Variants in SLC16A7 observed in about 807,000 individuals in gnomAD.
SLC16A7 encodes the protein solute carrier family 16 member 7.
SLC16A7 carries 33 observed loss-of-function variants against 34.9 expected under a neutral mutation model. The observed-to-expected ratio is 0.94, with a 90% CI of 0.72 to 1.26. The LOEUF (loss-of-function observed/expected upper bound fraction) is 1.26, where lower values mean the gene tolerates loss of function less well. Ranked by LOEUF, SLC16A7 falls within the 50% of genes most tolerant of loss-of-function variation. SLC16A7 has a pLI of 0.00. For missense variants in SLC16A7, 573 were observed against 578.1 expected (o/e 0.99, Z 0.09); for synonymous variants, 201 against 206.6 (o/e 0.97, Z 0.23).
Position 59,781,637 on chromosome 12 carries a change from T to G in SLC16A7, c.*1958T>G, listed in dbSNP as rs1394731870. ...TAGGGAAAATGTGGGACTTTATGGC[T>G]GTTTTTAATTTAGTTTCACCCGATC... is the stretch of plus-strand genomic sequence containing the variant. On this transcript the variant is annotated 3_prime_UTR_variant, in exon 6 of 6. Transcript: ENST00000547379. The G allele has an allele frequency of 6.6e-6, 1 of 152,624 alleles. No homozygotes were observed. The highest frequency in any genetic ancestry group is 2.4e-5 in the African/African-American group (1 of 41,470). The allele number at this position is 152,624 out of a possible 1,614,324, so 9.5% of individuals were successfully genotyped here. A position where few individuals can be genotyped will look rare whatever the true frequency, so the allele number is the denominator to read the frequency against.
intron 1 of SLC16A7, among the ~76,000 whole-genome samples, chr12:59,641,870 A>G (rs1362643553): frequency 6.6e-6 from 1 of 151,968 alleles, no homozygotes; most frequent in East Asian, 1.9e-4. Flanking sequence ...TTAATAAGGC[A>G]GTGTAGAGTT....
chr12:59,597,342 G>T (rs966159277), intron 1 of SLC16A7, among the ~76,000 whole-genome samples: 1 of 151,140 alleles, frequency 6.6e-6, no homozygotes, highest in African/African-American at 2.4e-5. Flanking sequence ...GTATTATTTC[G>T]TGTCCTCCTT....
At chr12:59,597,527 G>C (rs548113498) in intron 1 of SLC16A7, among the ~76,000 whole-genome samples, 70 of 152,286 alleles carry the variant, frequency 4.6e-4, no homozygotes, top group African/African-American at 1.7e-3. Flanking sequence ...ACTTTCCACA[G>C]ACAGGTTAGC....
chr12:59,751,059 C>T (rs766289686), intron 3 of SLC16A7, among the ~76,000 whole-genome samples: 1 of 51,720 alleles, frequency 1.9e-5, no homozygotes. Context: ...TGAGGCCTGT[C>T]GGGGGGCGGG....
chr12:59,779,224 T>G (rs1883044297), intron 5 of SLC16A7, among the ~76,000 whole-genome samples, 199 bp from the exon 6 acceptor site: 1 of 152,100 alleles, frequency 6.6e-6, no homozygotes, highest in Non-Finnish European at 1.5e-5. Context: ...AATGTACTAG[T>G]AATATAATAC....
In SLC16A7 at chr12:59,780,144, A is replaced by G. The variant is rs1883136168; in HGVS notation, c.*465A>G. 1 of 153,396 alleles carries G rather than the reference A, an allele frequency of 6.5e-6. No homozygotes were observed. Among genetic ancestry groups the G allele is most frequent in the Non-Finnish European group, 1.5e-5 (1 of 68,900 alleles). 9.5% of individuals were successfully genotyped at this position (153,396 alleles called of 1,614,324 possible). On this transcript the variant is annotated 3_prime_UTR_variant, in exon 6 of 6. Coordinates refer to ENST00000547379, the MANE Select transcript of SLC16A7 (RefSeq NM_001270623.2). ...TATCCCCTCTTACACACAAACACAC[A>G]TACTCCCACATACTTACCCACATGT... is the stretch of plus-strand genomic sequence containing the variant.
At chr12:59,676,869 A>G (rs2137064313) in intron 2 of SLC16A7, among the ~76,000 whole-genome samples, 1 of 152,270 alleles carries the variant, frequency 6.6e-6, no homozygotes, top group African/African-American at 2.4e-5. Context: ...AAAGATTTTA[A>G]GTAACATTTG....
intron 3 of SLC16A7, among the ~76,000 whole-genome samples, chr12:59,754,579 G>C (rs934259157): frequency 3.0e-4 from 46 of 152,260 alleles, no homozygotes; most frequent in Middle Eastern, 6.8e-3. Context: ...TCTCTGAATA[G>C]ACCAATAACA....
chr12:59,699,820 G>C (rs1054421597), intron 2 of SLC16A7, among the ~76,000 whole-genome samples: 1 of 151,744 alleles, frequency 6.6e-6, no homozygotes, highest in Non-Finnish European at 1.5e-5. Context: ...AATTTGTTAT[G>C]CAACACTTAC....
chr12:59,744,942 C>T (rs1878732946), intron 3 of SLC16A7, among the ~76,000 whole-genome samples: 1 of 152,128 alleles, frequency 6.6e-6, no homozygotes, highest in South Asian at 2.1e-4. Flanking sequence ...ACATCCAGTG[C>T]CCATGTACTC....
intron 3 of SLC16A7, among the ~76,000 whole-genome samples, chr12:59,717,118 T>A (rs1019965186): frequency 1.3e-5 from 2 of 152,168 alleles, no homozygotes; most frequent in East Asian, 1.9e-4. Context: ...TTGAAATAGG[T>A]CTTTCTCAAT....
At chr12:59,752,773 C>T (rs544360582) in intron 3 of SLC16A7, among the ~76,000 whole-genome samples, 14 of 152,104 alleles carry the variant, frequency 9.2e-5, no homozygotes, top group African/African-American at 2.9e-4. Flanking sequence ...AGATATTCCT[C>T]GAGAAGAGCA....
At chr12:59,745,362 G>A (rs773109713) in intron 3 of SLC16A7, among the ~76,000 whole-genome samples, 56 of 152,314 alleles carry the variant, frequency 3.7e-4, no homozygotes, top group Admixed American at 5.2e-4. Flanking sequence ...ATTGGGTTGG[G>A]AATGGATGTT....
At chr12:59,742,695 A>C (rs1878474140) in intron 3 of SLC16A7, among the ~76,000 whole-genome samples, 1 of 152,250 alleles carries the variant, frequency 6.6e-6, no homozygotes, top group East Asian at 1.9e-4. Context: ...AACACTTATC[A>C]AAATGAATTT....
chr12:59,746,214 G>A (rs1878874551), intron 3 of SLC16A7, among the ~76,000 whole-genome samples: 2 of 152,196 alleles, frequency 1.3e-5, no homozygotes, highest in African/African-American at 2.4e-5. Flanking sequence ...TCAGTACTTT[G>A]TAATTAATTT....
chr12:59,764,476 TC>T (rs1185796371), intron 3 of SLC16A7, among the ~76,000 whole-genome samples: 1 of 103,620 alleles, frequency 9.7e-6, no homozygotes. Context: ...ATGCTATCCC[TC>T]CCCCCTCCCC....
chr12:59,611,676 T>C (rs185963119), intron 1 of SLC16A7, among the ~76,000 whole-genome samples: 15 of 152,318 alleles, frequency 9.8e-5, no homozygotes, highest in Admixed American at 7.2e-4. Context: ...TATGAGCCTG[T>C]AAAATCAAAA....
intron 3 of SLC16A7, among the ~76,000 whole-genome samples, chr12:59,752,229 C>A (rs1209236851): frequency 6.6e-6 from 1 of 152,156 alleles, no homozygotes; most frequent in Non-Finnish European, 1.5e-5. Flanking sequence ...CAGCTCCTCA[C>A]CAGCAATGGA....
intron 2 of SLC16A7, among the ~76,000 whole-genome samples, chr12:59,694,526 A>G (rs1872053765): frequency 6.6e-6 from 1 of 151,910 alleles, no homozygotes; most frequent in African/African-American, 2.4e-5. Flanking sequence ...TACATTTTGA[A>G]AAGAACACAA....
Sources: allele counts gnomAD v4.1 joint callset (sites outside exome capture counted in the v4.1 genomes callset), GRCh38; gene constraint gnomAD v4.1.1; transcripts MANE v1.5; gene names NCBI Gene and HGNC (gene_info 2026-07-23, HGNC 2026-07-21).